The following KIF16B variants were observed in gnomAD, a reference collection of about 807,000 sequenced individuals.
The protein encoded by KIF16B is kinesin family member 16B, also known as kinesin-like protein KIF16B.
In KIF16B, 98 loss-of-function variants were observed where a neutral mutation model predicts 156.3. The ratio of observed to expected loss-of-function variants is 0.63; its 90% CI spans 0.53 to 0.74. KIF16B has a LOEUF of 0.74. KIF16B is among the 30% of genes least tolerant of loss of function. The probability of loss-of-function intolerance (pLI) is 0.00; values close to 1 mark genes in which losing one functional copy is unlikely to be tolerated. For synonymous variants in KIF16B, 564 were observed against 583.7 expected, an observed-to-expected ratio of 0.97 and a Z score of 0.49; for missense variants, 1,421 against 1,606.5, an observed-to-expected ratio of 0.88 and a Z score of 1.97.
chr20:16,551,727 C>G (rs2070673392), intron 1 of KIF16B, among the ~76,000 whole-genome samples: 1 of 152,132 alleles, frequency 6.6e-6, no homozygotes, highest in South Asian at 2.1e-4. Context: ...TAAGAAAGCC[C>G]TCTGATATCA....
chr20:16,319,731 G>A (rs191014276), intron 24 of KIF16B, among the ~76,000 whole-genome samples: 120 of 152,292 alleles, frequency 7.9e-4, no homozygotes, highest in African/African-American at 2.7e-3. Flanking sequence ...GCTTTTGAGC[G>A]TTTTACTTCC....
At chr20:16,317,305 A>G (rs575142913) in intron 24 of KIF16B, among the ~76,000 whole-genome samples, 1 of 152,334 alleles carries the variant, frequency 6.6e-6, no homozygotes, top group African/African-American at 2.4e-5. Context: ...CAAAGGAGAT[A>G]CAGTGTCCTA....
chr20:16,434,127 C>G (rs745649375), intron 12 of KIF16B, among the ~76,000 whole-genome samples: 3 of 152,192 alleles, frequency 2.0e-5, no homozygotes, highest in Non-Finnish European at 4.4e-5. Flanking sequence ...TTTAAGCATC[C>G]TGTTCACAAC....
intron 23 of KIF16B, among the ~76,000 whole-genome samples, chr20:16,349,376 C>T (rs1389945665): frequency 6.6e-6 from 1 of 152,158 alleles, no homozygotes; most frequent in Admixed American, 6.5e-5. Context: ...TCCCTGGAGG[C>T]CACCATGTCA....
chr20:16,549,490 G>T (rs908279942), intron 1 of KIF16B, among the ~76,000 whole-genome samples: 1 of 151,536 alleles, frequency 6.6e-6, no homozygotes, highest in African/African-American at 2.4e-5. Context: ...GAATAATGCC[G>T]CAATAAACAT....
At chr20:16,341,374 T>C (rs981547560) in intron 23 of KIF16B, among the ~76,000 whole-genome samples, 22 of 152,218 alleles carry the variant, frequency 1.4e-4, no homozygotes, top group African/African-American at 5.3e-4. Flanking sequence ...CTTAGTGAGG[T>C]CAGTGAAGGT....
chr20:16,311,276 G>GT (rs2063616419), intron 25 of KIF16B, among the ~76,000 whole-genome samples: 1 of 152,200 alleles, frequency 6.6e-6, no homozygotes, highest in Non-Finnish European at 1.5e-5. Flanking sequence ...ATGGCTTGAG[G>GT]TCAAGAGCTC....
Position 16,568,819 on chromosome 20 carries a change from CAAAAAAAAAAAA to C in KIF16B, c.47+4398_47+4409del, listed in dbSNP as rs57421025. On this transcript the variant is annotated intron_variant, in intron 1 of 25. Coordinates refer to ENST00000354981, the MANE Select transcript of KIF16B (RefSeq NM_024704.5). ...TAGACAACAGGGTAAGACCCTGTCT[CAAAAAAAAAAAA>C]AAAAAAAAAAAAAAAAAAAAAGGCA... Among the ~76,000 whole-genome samples, 49 of 55,508 alleles carry C rather than the reference CAAAAAAAAAAAA, an allele frequency of 8.8e-4. 2 individuals are homozygous for C. Among genetic ancestry groups the C allele is most frequent in the African/African-American group, 4.1e-3 (44 of 10,724 alleles). The allele number at this position is 55,508 out of a possible 152,430, so 36.4% of individuals were successfully genotyped here. A position where few individuals can be genotyped will look rare whatever the true frequency, so the allele number is the denominator to read the frequency against.
At chr20:16,560,226 G>A (rs1247051976) in intron 1 of KIF16B, among the ~76,000 whole-genome samples, 1 of 152,136 alleles carries the variant, frequency 6.6e-6, no homozygotes, top group African/African-American at 2.4e-5. Context: ...GAACAGACCA[G>A]ATATTTTCGT....
At chr20:16,352,417 T>C (rs1468879275) in intron 23 of KIF16B, among the ~76,000 whole-genome samples, 1 of 152,228 alleles carries the variant, frequency 6.6e-6, no homozygotes, top group Non-Finnish European at 1.5e-5. Flanking sequence ...ATTAAATAGA[T>C]TTTGGTTTAA....
intron 3 of KIF16B, among the ~76,000 whole-genome samples, chr20:16,519,619 T>C (rs1274886515): frequency 6.6e-6 from 1 of 152,228 alleles, no homozygotes; most frequent in Non-Finnish European, 1.5e-5. Context: ...GGTCTTGGAA[T>C]AAGACCTGAG....
chr20:16,359,124 A>G (rs150033384), intron 22 of KIF16B, among the ~76,000 whole-genome samples: 4 of 152,314 alleles, frequency 2.6e-5, no homozygotes, highest in African/African-American at 9.6e-5. Flanking sequence ...ATGAGGTAAG[A>G]CTGTAACTGA....
At chr20:16,440,950 A>G (rs2066783639) in intron 12 of KIF16B, among the ~76,000 whole-genome samples, 1 of 152,242 alleles carries the variant, frequency 6.6e-6, no homozygotes, top group South Asian at 2.1e-4. Context: ...TGCAAAATGC[A>G]TAATACCAAT....
chr20:16,280,020 T>C (rs143193901), intron 25 of KIF16B, among the ~76,000 whole-genome samples: 119 of 152,318 alleles, frequency 7.8e-4, no homozygotes, highest in Non-Finnish European at 1.4e-3. Flanking sequence ...TGCTATTCCA[T>C]TTAGACATTC....
intron 25 of KIF16B, among the ~76,000 whole-genome samples, chr20:16,294,612 C>T (rs142246622): frequency 1.6e-3 from 239 of 152,286 alleles, no homozygotes; most frequent in Middle Eastern, 6.8e-3. Context: ...GCCTTTGGGA[C>T]TGCCTGGGTC....
rs774657964 is a variant in KIF16B, at chr20:16,431,933, C to CACACACACAT, written c.1303-1952_1303-1951insATGTGTGTGT. On this transcript the variant is annotated intron_variant, in intron 12 of 25. Transcript: ENST00000354981. ...ACGTATACACACACACACACACACA[C>CACACACACAT]ACACACGCACAAGTTTATTACCTGT... is the stretch of plus-strand genomic sequence containing the variant. 2.7e-3 allele frequency among the ~76,000 whole-genome samples: 402 copies of CACACACACAT among 151,342 alleles called. 2 individuals carry two copies. The highest frequency in any genetic ancestry group is 0.01 in the Middle Eastern group (3 of 290).
Position 16,273,169 on chromosome 20 carries a change from T to C in KIF16B, c.*84A>G. The C allele has an allele frequency of 8.3e-7, 1 of 1,198,648 alleles. No individual in the cohort carries two copies. The highest frequency in any genetic ancestry group is 1.2e-6 in the Non-Finnish European group (1 of 818,044). The allele number at this position is 1,198,648 out of a possible 1,614,324, so 74.3% of individuals were successfully genotyped here. A position where few individuals can be genotyped will look rare whatever the true frequency, so the allele number is the denominator to read the frequency against. On this transcript the variant is annotated 3_prime_UTR_variant, in exon 26 of 26. Coordinates refer to ENST00000354981, the MANE Select transcript of KIF16B (RefSeq NM_024704.5). ...TTCAGCAGGAGGAGGCAGACCCGGA[T>C]CCTCGCATGGGGGAGCTGCCCTGCA...
intron 11 of KIF16B, among the ~76,000 whole-genome samples, chr20:16,495,548 G>A (rs554684581): frequency 1.3e-5 from 2 of 152,278 alleles, no homozygotes; most frequent in East Asian, 3.9e-4. Flanking sequence ...GGAATTCTAG[G>A]TTAACTTAAA....
chr20:16,413,026 T>C (rs77913114), intron 15 of KIF16B, among the ~76,000 whole-genome samples: 16,767 of 152,050 alleles, frequency 0.11, 1,127 homozygotes, highest in Non-Finnish European at 0.16. Context: ...AGTTTCCTCA[T>C]CTAGTTATCA....
Sources: gnomAD v4.1 joint callset for allele counts (sites outside exome capture counted in the v4.1 genomes callset) on GRCh38, gnomAD v4.1.1 for gene constraint, MANE v1.5 for transcripts, NCBI Gene and HGNC (gene_info 2026-07-23, HGNC 2026-07-21) for gene names.